ITPRID2: variants seen among roughly 807,000 people sequenced by gnomAD.
ITPRID2 encodes protein ITPRID2.
A neutral mutation model predicts 124.3 loss-of-function variants in ITPRID2; 60 were observed. The ratio of observed to expected loss-of-function variants is 0.48; its 90% CI spans 0.39 to 0.60. The LOEUF (loss-of-function observed/expected upper bound fraction) is 0.60. Among genes scored for constraint, ITPRID2 ranks in the 20% least tolerant of loss-of-function variants. The probability of loss-of-function intolerance (pLI) is 0.00; values close to 1 mark genes in which losing one functional copy is unlikely to be tolerated. For missense variants in ITPRID2, 1,553 were observed against 1,512.2 expected (o/e 1.03, Z -0.45); for synonymous variants, 521 against 542.9 (o/e 0.96, Z 0.56).
chr2:181,905,583 T>C lies in ITPRID2; in HGVS notation c.1413+3117T>C, dbSNP rs956541595. 6.6e-6 allele frequency among the ~76,000 whole-genome samples: 1 copy of C among 152,210 alleles called. No homozygotes were observed. Among genetic ancestry groups the C allele is most frequent in the African/African-American group, 2.4e-5 (1 of 41,464 alleles). On this transcript the variant is annotated intron_variant, in intron 8 of 17. Coordinates refer to ENST00000431877, the MANE Select transcript of ITPRID2 (RefSeq NM_001130445.3). This position sits in a 1 kb window ranked among gnomAD's most constrained non-coding sequence, Gnocchi z 4.1. ...AGGAAAAACTTAAGAAGGAGAACTT[T>C]TATCTCAGCATTTCTGTAAGAAGTT...
chr2:181,924,898 A>G (rs922627921), intron 16 of ITPRID2, among the ~76,000 whole-genome samples: 17 of 152,262 alleles, frequency 1.1e-4, no homozygotes, highest in Non-Finnish European at 1.5e-5. Flanking sequence ...GTATGTGATC[A>G]GTGGCCTGAA....
In ITPRID2 at chr2:181,907,840, CAAG is replaced by C. The variant is rs1264280858; in HGVS notation, c.1414-2053_1414-2051del. 2.0e-5 allele frequency among the ~76,000 whole-genome samples: 3 copies of C among 152,208 alleles called. No homozygotes were observed. In the East Asian group the frequency reaches 5.8e-4, roughly 29 times the overall value. On this transcript the variant is annotated intron_variant, in intron 8 of 17. Transcript: ENST00000431877. The surrounding 1 kb of genome is among the most constrained non-coding windows in gnomAD (Gnocchi z 5.1). ...GGGTACTCTGATTTTGCTGAGTAAA[CAAG>C]AAGAATCCCAACTTTAGTTTTATTA...
At position 181,907,822 on chromosome 2, in the gene ITPRID2, C is replaced by T. The variant is rs186258077; in HGVS notation, c.1414-2077C>T. Among the ~76,000 whole-genome samples the T allele has an allele frequency of 6.9e-4, 105 of 152,256 alleles. No individual in the cohort carries two copies. The highest frequency in any genetic ancestry group is 2.5e-3 in the African/African-American group (104 of 41,550). On this transcript the variant is annotated intron_variant, in intron 8 of 17. Coordinates refer to ENST00000431877, the MANE Select transcript of ITPRID2 (RefSeq NM_001130445.3). The surrounding 1 kb of genome is among the most constrained non-coding windows in gnomAD (Gnocchi z 5.1). ...TTTCTCTCTTCAGCAAGTGGGTACT[C>T]TGATTTTGCTGAGTAAACAAGAAGA...
intron 2 of ITPRID2, chr2:181,893,954 C>G (rs1384487409): frequency 1.3e-5 from 2 of 152,164 alleles, no homozygotes; most frequent in African/African-American, 4.8e-5. Flanking sequence ...CAGGTTTCCA[C>G]TTAGAAATGT....
intron 14 of ITPRID2, among the ~76,000 whole-genome samples, chr2:181,920,239 G>A (rs1054982709): frequency 2.0e-5 from 3 of 152,130 alleles, no homozygotes; most frequent in Non-Finnish European, 4.4e-5. Flanking sequence ...AAACAATGGT[G>A]TATAAACACA....
At position 181,896,400 on chromosome 2, in the gene ITPRID2, T is replaced by C. The variant is rs1450724786; in HGVS notation, c.307+321T>C. ...GAGTGAACAAAAGTTTAGTCAACTT[T>C]CGTGCAGCATTTCTTTGCTTACATT... On this transcript the variant is annotated intron_variant, in intron 3 of 17. Coordinates refer to ENST00000431877, the MANE Select transcript of ITPRID2 (RefSeq NM_001130445.3). The surrounding 1 kb of genome is among the most constrained non-coding windows in gnomAD (Gnocchi z 4.3). 3.3e-5 allele frequency among the ~76,000 whole-genome samples: 5 copies of C among 152,028 alleles called. No individual in the cohort carries two copies. Among genetic ancestry groups the C allele is most frequent in the South Asian group, 2.1e-4 (1 of 4,838 alleles).
chr2:181,910,733 G>A lies in ITPRID2; in HGVS notation c.1486+762G>A, dbSNP rs144150918. On this transcript the variant is annotated intron_variant, in intron 9 of 17. Transcript: ENST00000431877. This position sits in a 1 kb window ranked among gnomAD's most constrained non-coding sequence, Gnocchi z 4.1. ...TCCTAGAATAGGAAATTACATGTTT[G>A]TTGTCTCCTGATCTCTGAAATTACT... The A allele has an allele frequency of 9.0e-4, 526 of 584,734 alleles. 1 individual carries two copies. The highest frequency in any genetic ancestry group is 1.5e-3 in the Admixed American group (43 of 29,004). 36.2% of individuals were successfully genotyped at this position (584,734 alleles called of 1,614,324 possible).
Position 181,891,919 on chromosome 2 carries a change from C to CCCTCCTCCTCCT in ITPRID2, c.-136_-125dup. 1.8e-6 allele frequency: 1 copy of CCCTCCTCCTCCT among 563,196 alleles called. No individual in the cohort carries two copies. Among genetic ancestry groups the CCCTCCTCCTCCT allele is most frequent in the South Asian group, 2.1e-5 (1 of 47,046 alleles). 34.9% of individuals were successfully genotyped at this position (563,196 alleles called of 1,614,324 possible). On this transcript the variant is annotated 5_prime_UTR_variant, in exon 1 of 18. Transcript: ENST00000431877. Reference sequence around the variant, plus strand: ...TTCCTTCCCTCCCTCCCTCCCTGTCCCCTCCTCCTCCTCCTCCTCCTCCGG... The same window carrying CCCTCCTCCTCCT: ...TTCCTTCCCTCCCTCCCTCCCTGTCCCCTCCTCCTCCTCCTCCTCCTCCTCCTCCTCCTCCGG...
At position 181,892,914 on chromosome 2, in the gene ITPRID2, A is replaced by G. The variant is rs1691882028; in HGVS notation, c.257+254A>G. ...ACGCATCGTGTTAGCATCAGAGATC[A>G]GAAATCCAGAACAGATAATCATGCC... On this transcript the variant is annotated intron_variant, in intron 2 of 17. Coordinates refer to ENST00000431877, the MANE Select transcript of ITPRID2 (RefSeq NM_001130445.3). The surrounding 1 kb of genome is among the most constrained non-coding windows in gnomAD (Gnocchi z 5.2). The G allele has an allele frequency of 5.2e-6, 3 of 576,970 alleles. No individual in the cohort carries two copies. The highest frequency in any genetic ancestry group is 9.3e-6 in the Non-Finnish European group (3 of 321,710). The allele number at this position is 576,970 out of a possible 1,614,324, so 35.7% of individuals were successfully genotyped here.
Position 181,915,818 on chromosome 2 carries a change from A to G in ITPRID2, c.2178A>G (p.Leu726=). 6.2e-7 allele frequency: 1 copy of G among 1,614,188 alleles called. No individual in the cohort carries two copies. Among genetic ancestry groups the G allele is most frequent in the Non-Finnish European group, 8.5e-7 (1 of 1,180,020 alleles). Residue 726 remains leucine, a synonymous_variant, in exon 11 of 18, where the codon TTA becomes TTG. Coordinates refer to ENST00000431877, the MANE Select transcript of ITPRID2 (RefSeq NM_001130445.3). ...KSKDLLKQRY[L]FAKAGYPLRR... Reference sequence around the variant, plus strand: ...AAGATTTGTTAAAACAAAGGTACTTATTTGCAAAAGCTGGCTATCCTCTAA... The same window carrying G: ...AAGATTTGTTAAAACAAAGGTACTTGTTTGCAAAAGCTGGCTATCCTCTAA...
rs1365914016 is a variant in ITPRID2 at position 181,918,680 on chromosome 2, G to A, written c.2865+5G>A. The A allele has an allele frequency of 6.2e-7, 1 of 1,613,936 alleles. No individual in the cohort carries two copies. Among genetic ancestry groups the A allele is most frequent in the Admixed American group, 1.7e-5 (1 of 59,994 alleles). On this transcript the variant is annotated splice_donor_5th_base_variant and intron_variant, in intron 12 of 17. Coordinates refer to ENST00000431877, the MANE Select transcript of ITPRID2 (RefSeq NM_001130445.3). ...TCTGTTCTACCTCTTTATGAAGTAA[G>A]TTCTTTCTTACATCTTTGTGTTCCA...
chr2:181,921,487 AAG>A (rs201377205), intron 15 of ITPRID2, among the ~76,000 whole-genome samples: 2 of 151,966 alleles, frequency 1.3e-5, no homozygotes, highest in African/African-American at 2.4e-5. Flanking sequence ...CAAAAAAAAA[AAG>A]AAAATTGATT....
chr2:181,915,792 A>G lies in ITPRID2; in HGVS notation c.2152A>G (p.Lys718Glu), dbSNP rs768944337. The G allele has an allele frequency of 3.7e-6, 6 of 1,614,208 alleles. No individual in the cohort carries two copies. The highest frequency in any genetic ancestry group is 1.7e-5 in the Admixed American group (1 of 60,028). Residue 718 changes from lysine (K) to glutamate (E), a missense_variant, in exon 11 of 18, where the codon AAA becomes GAA. By Grantham distance (56) the Lys-to-Glu change is moderately conservative. Coordinates refer to ENST00000431877, the MANE Select transcript of ITPRID2 (RefSeq NM_001130445.3). ...GATGGGGCGTAGCCTGCTAAAATCA[A>G]AAGATTTGTTAAAACAAAGGTACTT... ...QRMGRSLLKS[K>E]DLLKQRYLFA...
At position 181,902,969 on chromosome 2, in the gene ITPRID2, C is replaced by T. The variant is rs1692803326; in HGVS notation, c.1413+503C>T. Among the ~76,000 whole-genome samples the T allele has an allele frequency of 6.6e-6, 1 of 152,042 alleles. No individual in the cohort carries two copies. Among genetic ancestry groups the T allele is most frequent in the South Asian group, 2.1e-4 (1 of 4,814 alleles). ...GAAAGAACATGAAGATATTACGTAC[C>T]TGCATGGGGAGGATAGGGACCCTAG... On this transcript the variant is annotated intron_variant, in intron 8 of 17. Transcript: ENST00000431877. This position sits in a 1 kb window ranked among gnomAD's most constrained non-coding sequence, Gnocchi z 4.4.
intron 11 of ITPRID2, chr2:181,918,188 A>G (rs971656503): frequency 1.8e-5 from 8 of 455,890 alleles, no homozygotes; most frequent in African/African-American, 2.1e-5. Context: ...ATAGTGGCAT[A>G]TAGGAAATGC....
intron 16 of ITPRID2, 67 bp from the exon 17 acceptor site, chr2:181,928,094 C>G (rs1694995391): frequency 3.6e-6 from 4 of 1,119,456 alleles, no homozygotes; most frequent in Non-Finnish European, 1.3e-6. Flanking sequence ...GTATTTTTTC[C>G]AAAAACAGGA....
intron 6 of ITPRID2, among the ~76,000 whole-genome samples, chr2:181,899,940 A>G (rs751542192): frequency 2.0e-5 from 3 of 152,222 alleles, no homozygotes; most frequent in East Asian, 1.9e-4. Flanking sequence ...CTGTTATCCA[A>G]ATTATAATAT....
chr2:181,929,071 C>T (rs967254618), intron 17 of ITPRID2, among the ~76,000 whole-genome samples: 2 of 151,690 alleles, frequency 1.3e-5, no homozygotes, highest in Non-Finnish European at 2.9e-5. Flanking sequence ...TTCATTTTAT[C>T]TCGTAGCTCT....
At chr2:181,901,375 AC>A (rs1692652812) in intron 7 of ITPRID2, among the ~76,000 whole-genome samples, 1 of 152,116 alleles carries the variant, frequency 6.6e-6, no homozygotes, top group Non-Finnish European at 1.5e-5. Context: ...TAAATCCCTC[AC>A]CCTGCAAATT....
Sources: allele counts gnomAD v4.1 joint callset (sites outside exome capture counted in the v4.1 genomes callset), GRCh38; gene constraint gnomAD v4.1.1; non-coding constraint Gnocchi (gnomAD v3.1); transcripts MANE v1.5; gene names NCBI Gene and HGNC (gene_info 2026-07-23, HGNC 2026-07-21).